The following CDH2 variants were observed in gnomAD, a reference collection of about 807,000 sequenced individuals.
CDH2 encodes cadherin-2.
Under a neutral mutation model 92.0 loss-of-function variants are expected in CDH2, and 17 were observed. The ratio of observed to expected loss-of-function variants is 0.18; its 90% CI spans 0.13 to 0.28. The LOEUF (loss-of-function observed/expected upper bound fraction) is 0.28, where lower values mean the gene tolerates loss of function less well. Ranked by LOEUF, CDH2 falls within the 10% of genes least tolerant of loss-of-function variation. CDH2 has a pLI of 1.00. For synonymous variants in CDH2, 419 were observed against 415.9 expected, an observed-to-expected ratio of 1.01 and a Z score of -0.09; for missense variants, 862 against 1,133.1, an observed-to-expected ratio of 0.76 and a Z score of 3.44.
chr18:28,068,393 C>T (rs954303743), intron 2 of CDH2, among the ~76,000 whole-genome samples: 6 of 152,126 alleles, frequency 3.9e-5, no homozygotes, highest in South Asian at 2.1e-4. Flanking sequence ...CTTGTCAGTA[C>T]GCACTGCTGA....
downstream of CDH2, among the ~76,000 whole-genome samples, chr18:27,949,895 A>C (rs1909369811): frequency 6.6e-6 from 1 of 152,030 alleles, no homozygotes; most frequent in South Asian, 2.1e-4. Flanking sequence ...TACACACTAG[A>C]TATGGCCTGT....
At chr18:28,041,013 G>GTT (rs1220095237) in intron 2 of CDH2, among the ~76,000 whole-genome samples, 1 of 152,180 alleles carries the variant, frequency 6.6e-6, no homozygotes, top group Admixed American at 6.5e-5. Flanking sequence ...AACTAAGAAT[G>GTT]TTTGAACATC....
At chr18:28,111,609 A>G (rs977537675) in intron 2 of CDH2, among the ~76,000 whole-genome samples, 1 of 152,288 alleles carries the variant, frequency 6.6e-6, no homozygotes, top group Middle Eastern at 3.4e-3. Flanking sequence ...AGATGTCTTG[A>G]TCAACCTGAA....
downstream of CDH2, among the ~76,000 whole-genome samples, chr18:27,949,380 C>G (rs901630276): frequency 2.0e-5 from 3 of 151,884 alleles, no homozygotes; most frequent in African/African-American, 7.2e-5. Flanking sequence ...GAAAAATATT[C>G]CCATGCAAAG....
chr18:28,121,073 A>T (rs2015579842), intron 2 of CDH2, among the ~76,000 whole-genome samples: 1 of 152,184 alleles, frequency 6.6e-6, no homozygotes, highest in East Asian at 1.9e-4. Context: ...GCGGTTTCAC[A>T]TTAAGTATCC....
intron 2 of CDH2, among the ~76,000 whole-genome samples, chr18:28,116,146 GA>G (rs2015492189): frequency 1.3e-5 from 2 of 152,070 alleles, no homozygotes. Context: ...ATACATCAAA[GA>G]ATTATCTGGT....
At chr18:27,955,845 T>C (rs1434485831) in intron 15 of CDH2, among the ~76,000 whole-genome samples, 1 of 149,136 alleles carries the variant, frequency 6.7e-6, no homozygotes, top group East Asian at 2.1e-4. Flanking sequence ...GCACGGCACA[T>C]TGCCTTATGT....
chr18:28,154,663 C>T lies in CDH2; in HGVS notation c.61-6879G>A, dbSNP rs528378540. Among the ~76,000 whole-genome samples, 36 of 152,204 alleles carry T rather than the reference C, an allele frequency of 2.4e-4. No individual in the cohort carries two copies. In the South Asian group the frequency reaches 3.3e-3, roughly 14 times the overall value. The stretch of plus-strand genomic sequence containing the variant: ...CGAGTCCACTACTCTTTTCGGTTCC[C>T]GTTCTCATTATTCTTTTTCATAGTC... On this transcript the variant is annotated intron_variant, in intron 1 of 15. Coordinates refer to ENST00000269141, the MANE Select transcript of CDH2 (RefSeq NM_001792.5).
chr18:27,946,912 T>C (rs2143841837), downstream of CDH2, among the ~76,000 whole-genome samples: 1 of 152,022 alleles, frequency 6.6e-6, no homozygotes, highest in Non-Finnish European at 1.5e-5. Context: ...GAAGAAAGTG[T>C]TATAAAATTC....
rs192779018 is a variant in CDH2, at chr18:27,977,948, A to G, written c.2349+4996T>C. Among the ~76,000 whole-genome samples, 419 of 152,334 alleles carry G rather than the reference A, an allele frequency of 2.8e-3. 1 individual carries two copies. The highest frequency in any genetic ancestry group is 8.7e-3 in the African/African-American group (360 of 41,578). The stretch of plus-strand genomic sequence containing the variant: ...GGCACCAGTCCCATTTCCAAGGCCT[A>G]TTATTGTAGAAAGAGAGTATCTTCA... On this transcript the variant is annotated intron_variant, in intron 14 of 15. Transcript: ENST00000269141.
chr18:28,076,300 A>G (rs777340135), intron 2 of CDH2, among the ~76,000 whole-genome samples: 13 of 152,112 alleles, frequency 8.5e-5, no homozygotes, highest in Non-Finnish European at 1.6e-4. Context: ...CTTTAAAGTC[A>G]GATTGTTTTC....
chr18:27,980,676 G>C (rs1441763790), intron 14 of CDH2, among the ~76,000 whole-genome samples: 1 of 151,746 alleles, frequency 6.6e-6, no homozygotes, highest in Non-Finnish European at 1.5e-5. Context: ...CAGGAAGATT[G>C]GTACCAAATT....
intron 2 of CDH2, among the ~76,000 whole-genome samples, chr18:28,061,240 C>CA (rs1360091638): frequency 3.3e-5 from 5 of 152,134 alleles, no homozygotes; most frequent in Non-Finnish European, 7.4e-5. Context: ...AAACTTAAAG[C>CA]AAAATTTGTA....
Position 28,127,760 on chromosome 18 carries a change from C to G in CDH2, c.172+19913G>C, listed in dbSNP as rs145988644. ...TTTCAAGACGAATTCAAATAGAAAA[C>G]TCTTTCATAAAGGGACACAAATGTG... On this transcript the variant is annotated intron_variant, in intron 2 of 15. Transcript: ENST00000269141. Among the ~76,000 whole-genome samples, 8 of 152,282 alleles carry G rather than the reference C, an allele frequency of 5.3e-5. No homozygotes were observed. The East Asian group carries it at 1.5e-3, about 29-fold the overall frequency.
chr18:28,133,306 G>A lies in CDH2; in HGVS notation c.172+14367C>T, dbSNP rs530239813. 3.3e-5 allele frequency among the ~76,000 whole-genome samples: 5 copies of A among 152,120 alleles called. No homozygotes were observed. In the East Asian group the frequency reaches 5.8e-4, roughly 18 times the overall value. On this transcript the variant is annotated intron_variant, in intron 2 of 15. Coordinates refer to ENST00000269141, the MANE Select transcript of CDH2 (RefSeq NM_001792.5). The stretch of plus-strand genomic sequence containing the variant: ...ATTTATAATAAGAACTTGGCCGGCC[G>A]GGCGTGATGGCTCATGCCTGTAATC...
At chr18:28,139,006 G>A (rs1011128209) in intron 2 of CDH2, among the ~76,000 whole-genome samples, 7 of 151,950 alleles carry the variant, frequency 4.6e-5, no homozygotes, top group African/African-American at 1.7e-4. Context: ...TGAAAATGCT[G>A]TTTACATCAT....
chr18:27,955,759 C>CTTTTTTTTTTTTTT (rs1219088194), intron 15 of CDH2, among the ~76,000 whole-genome samples: 10 of 25,934 alleles, frequency 3.9e-4, no homozygotes, highest in South Asian at 3.6e-3. Flanking sequence ...TTCTTTATTT[C>CTTTTTTTTTTTTTT]TGTTTTTTTT....
At chr18:28,032,229 A>G (rs1443451) in intron 2 of CDH2, among the ~76,000 whole-genome samples, 25,791 of 152,034 alleles carry the variant, frequency 0.17, 2,460 homozygotes, top group South Asian at 0.3. Flanking sequence ...TAATATACAA[A>G]ACCAACAACA....
rs369458635 is a variant in CDH2 at position 28,043,495 on chromosome 18, A to AAT, written c.173-29588_173-29587dup. On this transcript the variant is annotated intron_variant, in intron 2 of 15. Coordinates refer to ENST00000269141, the MANE Select transcript of CDH2 (RefSeq NM_001792.5). ...ATATATATATATATATATATATATA[A>AAT]ATATATATATATATATATATAAACA... Among the ~76,000 whole-genome samples the AAT allele has an allele frequency of 3.6e-3, 312 of 87,292 alleles. 5 individuals carry two copies. Among genetic ancestry groups the AAT allele is most frequent in the African/African-American group, 6.5e-3 (135 of 20,656 alleles). The allele number at this position is 87,292 out of a possible 152,430, so 57.3% of individuals were successfully genotyped here.
Sources: gnomAD v4.1 joint callset for allele counts (sites outside exome capture counted in the v4.1 genomes callset) on GRCh38, gnomAD v4.1.1 for gene constraint, MANE v1.5 for transcripts, NCBI Gene and HGNC (gene_info 2026-07-23, HGNC 2026-07-21) for gene names.